Variants in CA11 observed in about 807,000 individuals in gnomAD.
CA11 encodes carbonic anhydrase-related protein 11.
In CA11, 20 loss-of-function variants were observed where a neutral mutation model predicts 39.3. The ratio of observed to expected loss-of-function variants is 0.51; its 90% confidence interval spans 0.36 to 0.74. The LOEUF (loss-of-function observed/expected upper bound fraction) is 0.74, where lower values mean the gene tolerates loss of function less well. Among genes scored for constraint, CA11 ranks in the 30% least tolerant of loss-of-function variants. CA11 has a pLI of 0.00. For missense variants in CA11, 336 were observed against 424.6 expected (o/e 0.79, Z 1.83); for synonymous variants, 166 against 172.5 (o/e 0.96, Z 0.29).
intron 7 of CA11, 44 bp from the exon 8 acceptor site, chr19:48,639,097 G>A (rs376185779): frequency 6.2e-7 from 1 of 1,609,608 alleles, no homozygotes; most frequent in African/African-American, 1.3e-5. Context: ...AATAGTGAAT[G>A]GTCTTGGTGA....
chr19:48,638,108 G>C lies in CA11; in HGVS notation c.*11C>G, dbSNP rs2030897730. The C allele has an allele frequency of 4.4e-6, 6 of 1,370,572 alleles. No individual in the cohort carries two copies. In the African/African-American group the frequency reaches 6.1e-5, roughly 14 times the overall value. 84.9% of individuals were successfully genotyped at this position (1,370,572 alleles called of 1,614,324 possible). On this transcript the variant is annotated 3_prime_UTR_variant, in exon 9 of 9. Coordinates refer to ENST00000084798, the MANE Select transcript of CA11 (RefSeq NM_001217.5). ...CTTAGGACGGGCGGGTGCAATCCTC[G>C]AAGGGGAGTCTCAGCGACCATGGGG...
rs541020434 is a variant in CA11, at chr19:48,645,927, C to T, written c.-295G>A. 81 of 467,342 alleles carry T rather than the reference C, an allele frequency of 1.7e-4. No homozygotes were observed. Among genetic ancestry groups the T allele is most frequent in the African/African-American group, 1.4e-3 (71 of 49,322 alleles). 28.9% of individuals were successfully genotyped at this position (467,342 alleles called of 1,614,324 possible). A position where few individuals can be genotyped will look rare whatever the true frequency, so the allele number is the denominator to read the frequency against. On this transcript the variant is annotated 5_prime_UTR_variant, in exon 1 of 9. Transcript: ENST00000084798. Reference sequence around the variant, plus strand: ...TCCTACTCCTCTCAGCCTTCTGCTGCCCCCAGGGCTACCTCTTGGTTCCTA... The same window carrying T: ...TCCTACTCCTCTCAGCCTTCTGCTGTCCCCAGGGCTACCTCTTGGTTCCTA...
At chr19:48,639,758 T>TC in intron 5 of CA11, 30 bp downstream of exon 5, 1 of 1,607,890 alleles carries the variant, frequency 6.2e-7, no homozygotes, top group South Asian at 1.1e-5. Context: ...ACCCAACTGC[T>TC]CCCTCCCTCT....
chr19:48,644,836 C>G (rs1457915863), intron 2 of CA11, among the ~76,000 whole-genome samples: 1 of 152,120 alleles, frequency 6.6e-6, no homozygotes, highest in African/African-American at 2.4e-5. Context: ...CACAGGTAAT[C>G]CACCCACCTC....
chr19:48,645,267 C>T, intron 2 of CA11, 136 bp downstream of exon 2: 1 of 716,916 alleles, frequency 1.4e-6, no homozygotes, highest in Non-Finnish European at 2.3e-6. Flanking sequence ...GAAGCTGGCC[C>T]GACTCCTGAG....
chr19:48,640,367 CTTTTTTTTTTTTTT>C, intron 3 of CA11, 87 bp from the exon 4 acceptor site: 6 of 324,492 alleles, frequency 1.8e-5, no homozygotes, highest in Non-Finnish European at 3.1e-5. Context: ...TTCCAACAGT[CTTTTTTTTTTTTTT>C]TTTTTTTTTT....
intron 8 of CA11, chr19:48,638,485 T>G: frequency 2.4e-6 from 1 of 419,232 alleles, no homozygotes; most frequent in Non-Finnish European, 3.6e-6. Flanking sequence ...ACCTTGTAGA[T>G]TCTCAGTAAG....
intron 3 of CA11, among the ~76,000 whole-genome samples, chr19:48,641,823 CTTT>C (rs71179023): frequency 3.3e-5 from 3 of 92,290 alleles, no homozygotes; most frequent in Admixed American, 1.2e-4. Flanking sequence ...TTTCAATTTT[CTTT>C]TTTTTTTTTT....
In CA11 at chr19:48,644,486, T is replaced by G; in HGVS notation, c.226A>C (p.Lys76Gln). The G allele has an allele frequency of 6.2e-7, 1 of 1,612,032 alleles. No homozygotes were observed. Among genetic ancestry groups the G allele is most frequent in the Non-Finnish European group, 8.5e-7 (1 of 1,178,616 alleles). The change falls in exon 3 of 9, where the codon AAG becomes CAG. Residue 76 changes from lysine to glutamine, a missense_variant. Lys to Gln is a moderately conservative substitution (Grantham distance 53). Transcript: ENST00000084798. Reference sequence around the variant, plus strand: ...AGAAAGGGGTCATAAAGAACCCTCTTCAGCTCCACATCCACGGGGCTCTGC... The same window carrying G: ...AGAAAGGGGTCATAAAGAACCCTCTGCAGCTCCACATCCACGGGGCTCTGC... Reference protein sequence around the residue: ...KRQSPVDVELKRVLYDPFLPP... With the variant: ...KRQSPVDVELQRVLYDPFLPP...
At chr19:48,640,577 TTGGTCAGGC>T (rs949288959) in intron 3 of CA11, among the ~76,000 whole-genome samples, 16 of 151,982 alleles carry the variant, frequency 1.1e-4, no homozygotes, top group African/African-American at 2.9e-4. Context: ...TTTCTCCACG[TTGGTCAGGC>T]TGGTCTCAAA....
chr19:48,644,793 C>T (rs1196403677), intron 2 of CA11, among the ~76,000 whole-genome samples: 3 of 152,096 alleles, frequency 2.0e-5, no homozygotes, highest in African/African-American at 7.2e-5. Context: ...ACGGGTTTCA[C>T]CAAGTTGGCC....
chr19:48,644,909 T>C (rs2031200036), intron 2 of CA11, among the ~76,000 whole-genome samples: 1 of 152,082 alleles, frequency 6.6e-6, no homozygotes, highest in African/African-American at 2.4e-5. Flanking sequence ...AAACCCATCT[T>C]AAGCCACTGT....
In CA11 at chr19:48,645,287, A is replaced by G. The variant is rs182731741; in HGVS notation, c.142+116T>C. 63 of 849,520 alleles carry G rather than the reference A, an allele frequency of 7.4e-5. 1 individual carries two copies. The highest frequency in any genetic ancestry group is 6.9e-4 in the East Asian group (26 of 37,550). 52.6% of individuals were successfully genotyped at this position (849,520 alleles called of 1,614,324 possible). A position where few individuals can be genotyped will look rare whatever the true frequency, so the allele number is the denominator to read the frequency against. On this transcript the variant is annotated intron_variant, in intron 2 of 8. Transcript: ENST00000084798. ...TGGCCCGACTCCTGAGGGACAGAGGAGGGGGCTGGGACTCCTGGTCCTGGG... is the reference window on the plus strand; with the variant it reads ...TGGCCCGACTCCTGAGGGACAGAGGGGGGGGCTGGGACTCCTGGTCCTGGG...
chr19:48,638,674 G>A (rs2030939900), intron 8 of CA11, among the ~76,000 whole-genome samples: 1 of 152,160 alleles, frequency 6.6e-6, no homozygotes, highest in Admixed American at 6.5e-5. Context: ...GCAGTGAAGA[G>A]GAAAGACAAA....
intron 8 of CA11, 21 bp downstream of exon 8, chr19:48,638,867 G>A (rs199610168): frequency 1.3e-6 from 2 of 1,546,178 alleles, no homozygotes; most frequent in East Asian, 4.5e-5. Context: ...AGACTTAGAG[G>A]GGGTGCAGAC....
chr19:48,645,289 G>A, intron 2 of CA11, 114 bp downstream of exon 2: 2 of 880,738 alleles, frequency 2.3e-6, no homozygotes, highest in Non-Finnish European at 3.6e-6. Flanking sequence ...GACAGAGGAG[G>A]GGGCTGGGAC....
At position 48,638,789 on chromosome 19, in the gene CA11, C is replaced by A. The variant is rs1329951265; in HGVS notation, c.961+99G>T. ...CTCACGAGGCTAGACCATATAGACG[C>A]AGGAAGGAGGATGGGACTGAATCAC... On this transcript the variant is annotated intron_variant, in intron 8 of 8. Coordinates refer to ENST00000084798, the MANE Select transcript of CA11 (RefSeq NM_001217.5). The A allele has an allele frequency of 2.4e-6, 3 of 1,271,402 alleles. No individual in the cohort carries two copies. In the African/African-American group the frequency reaches 4.5e-5, roughly 19 times the overall value. 78.8% of individuals were successfully genotyped at this position (1,271,402 alleles called of 1,614,324 possible). A position where few individuals can be genotyped will look rare whatever the true frequency, so the allele number is the denominator to read the frequency against.
chr19:48,645,971 TTC>T lies in CA11; in HGVS notation c.-341_-340del. 4.7e-6 allele frequency: 2 copies of T among 424,356 alleles called. No individual in the cohort carries two copies. Among genetic ancestry groups the T allele is most frequent in the Non-Finnish European group, 8.3e-6 (2 of 241,640 alleles). 26.3% of individuals were successfully genotyped at this position (424,356 alleles called of 1,614,324 possible). ...GTTCCTAACCCACACCTCCTCTCCG[TTC>T]TCTTTTCATTAAGCTCTCCCAAGCC... On this transcript the variant is annotated 5_prime_UTR_variant, in exon 1 of 9. The change abolishes the stop of an existing upstream ORF in the 5' untranslated region. Coordinates refer to ENST00000084798, the MANE Select transcript of CA11 (RefSeq NM_001217.5).
At chr19:48,638,249 T>C in intron 8 of CA11, 105 bp from the exon 9 acceptor site, 8 of 1,195,226 alleles carry the variant, frequency 6.7e-6, no homozygotes, top group Non-Finnish European at 8.4e-6. Flanking sequence ...CCGTCGGAAG[T>C]CTGCGAGCGG....
Sources: gnomAD v4.1 joint callset for allele counts (sites outside exome capture counted in the v4.1 genomes callset) on GRCh38, gnomAD v4.1.1 for gene constraint, MANE v1.5 for transcripts, NCBI Gene and HGNC (gene_info 2026-07-23, HGNC 2026-07-21) for gene names.